The following APP variants were observed in gnomAD, a reference collection of about 807,000 sequenced individuals.
APP encodes the protein amyloid beta precursor protein.
Under a neutral mutation model 101.4 loss-of-function variants are expected in APP, and 31 were observed. That is an observed-to-expected ratio of 0.31 (90% CI 0.23 to 0.41). The LOEUF is 0.41. Ranked by LOEUF, APP falls within the 10% of genes least tolerant of loss-of-function variation. The pLI is 1.00. For synonymous variants in APP, 366 were observed against 364.4 expected (o/e 1.00, Z -0.05); for missense variants, 839 against 1,003.7 (o/e 0.84, Z 2.22).
intron 6 of APP, among the ~76,000 whole-genome samples, chr21:26,016,397 T>C (rs2044064690): frequency 6.6e-6 from 1 of 152,198 alleles, no homozygotes; most frequent in African/African-American, 2.4e-5. Flanking sequence ...GATGAATATA[T>C]GCCTATATCA....
chr21:26,063,961 T>G (rs1280136089), intron 3 of APP, among the ~76,000 whole-genome samples: 1 of 152,220 alleles, frequency 6.6e-6, no homozygotes, highest in Non-Finnish European at 1.5e-5. Context: ...ACCCTTGATA[T>G]GATGTGATGA....
intron 13 of APP, among the ~76,000 whole-genome samples, chr21:25,912,327 A>G (rs1405376588): frequency 4.6e-5 from 7 of 152,192 alleles, no homozygotes; most frequent in Admixed American, 4.6e-4. Flanking sequence ...ATGATCGCAC[A>G]GGAATAAACG....
rs1017019764 is a variant in APP, at chr21:25,982,289, G to A, written c.1224+55C>T. 7 of 1,593,190 alleles carry A rather than the reference G, an allele frequency of 4.4e-6. No individual in the cohort carries two copies. The Admixed American group carries it at 1.2e-4, about 27-fold the overall frequency. Reference sequence around the variant, plus strand: ...GGCCTGTGGGGAGACTGAGGCAGAGGCAAGCTCAGGTTTCCCAATATCGTA... The same window carrying A: ...GGCCTGTGGGGAGACTGAGGCAGAGACAAGCTCAGGTTTCCCAATATCGTA... On this transcript the variant is annotated intron_variant, in intron 9 of 17. Transcript: ENST00000346798.
chr21:25,897,806 T>TA, intron 15 of APP, 133 bp from the exon 16 acceptor site: 1 of 727,960 alleles, frequency 1.4e-6, no homozygotes, highest in South Asian at 1.5e-5. Context: ...AAATGACTCT[T>TA]AAAGAAAAAT....
chr21:26,137,220 G>A (rs1237264775), intron 1 of APP, among the ~76,000 whole-genome samples: 2 of 152,156 alleles, frequency 1.3e-5, no homozygotes, highest in African/African-American at 2.4e-5. Context: ...GAGCCACTGC[G>A]CCTGGCCCTC....
intron 11 of APP, among the ~76,000 whole-genome samples, chr21:25,958,543 C>T (rs545094473): frequency 8.8e-6 from 1 of 113,562 alleles, no homozygotes; most frequent in East Asian, 2.6e-4. Context: ...TCCCAAAGTG[C>T]TAGGATTACA....
At position 26,067,024 on chromosome 21, in the gene APP, G is replaced by C. The variant is rs558138921; in HGVS notation, c.356-13676C>G. 7.2e-5 allele frequency among the ~76,000 whole-genome samples: 11 copies of C among 152,210 alleles called. No individual in the cohort carries two copies. The East Asian group carries it at 1.9e-3, about 27-fold the overall frequency. ...TACCATTCTATGCAGGTCCATGTAG[G>C]ATACAAAAGAACCGAGATATAGTTC... is the stretch of plus-strand genomic sequence containing the variant. On this transcript the variant is annotated intron_variant, in intron 3 of 17. Coordinates refer to ENST00000346798, the MANE Select transcript of APP (RefSeq NM_000484.4).
At position 26,170,713 on chromosome 21, in the gene APP, G is replaced by T. The variant is rs1449799255; in HGVS notation, c.-93C>A. 1.1e-5 allele frequency: 15 copies of T among 1,325,654 alleles called. No homozygotes were observed. In the East Asian group the frequency reaches 3.9e-4, roughly 35 times the overall value. The allele number at this position is 1,325,654 out of a possible 1,614,324, so 82.1% of individuals were successfully genotyped here. A position where few individuals can be genotyped will look rare whatever the true frequency, so the allele number is the denominator to read the frequency against. On this transcript the variant is annotated 5_prime_UTR_variant, in exon 1 of 18. Coordinates refer to ENST00000346798, the MANE Select transcript of APP (RefSeq NM_000484.4). ...CGCGCCGCCACCGCCGCCGTCTCCC[G>T]GGGCCCCCGCGCACGCTCCTCCGCG... is the stretch of plus-strand genomic sequence containing the variant.
chr21:26,111,478 C>T (rs188212859), intron 2 of APP, among the ~76,000 whole-genome samples: 20 of 152,104 alleles, frequency 1.3e-4, no homozygotes, highest in Admixed American at 1.3e-3. Flanking sequence ...TGGCTCATAC[C>T]CGTAATCTCA....
At chr21:25,983,327 TAA>T (rs750549129) in intron 8 of APP, among the ~76,000 whole-genome samples, 27 of 152,194 alleles carry the variant, frequency 1.8e-4, no homozygotes, top group African/African-American at 6.5e-4. Flanking sequence ...ATATTTAACA[TAA>T]AAAACAAAAT....
At chr21:26,115,682 G>A (rs1263082232) in intron 1 of APP, among the ~76,000 whole-genome samples, 1 of 152,074 alleles carries the variant, frequency 6.6e-6, no homozygotes, top group Non-Finnish European at 1.5e-5. Context: ...TCCTATTCAG[G>A]ATCTGTTAAT....
chr21:26,049,394 G>C (rs2045742743), intron 5 of APP, among the ~76,000 whole-genome samples: 1 of 152,158 alleles, frequency 6.6e-6, no homozygotes, highest in Non-Finnish European at 1.5e-5. Context: ...ATTCACAATG[G>C]ATGACGGTGG....
Position 25,927,734 on chromosome 21 carries a change from C to T in APP, c.1688-15772G>A, listed in dbSNP as rs574797136. The stretch of plus-strand genomic sequence containing the variant: ...CTTCACATCATTTGTGAAAATATTC[C>T]TTATTGCTAGGGACATTTTCCTGAA... On this transcript the variant is annotated intron_variant, in intron 13 of 17. Transcript: ENST00000346798. 5.0e-4 allele frequency among the ~76,000 whole-genome samples: 76 copies of T among 152,284 alleles called. No homozygotes were observed. The Middle Eastern group carries it at 0.014, about 27-fold the overall frequency.
chr21:26,124,443 T>C (rs1336043473), intron 1 of APP, among the ~76,000 whole-genome samples: 2 of 152,246 alleles, frequency 1.3e-5, no homozygotes, highest in East Asian at 3.8e-4. Flanking sequence ...TTCCTAATTC[T>C]TTGATAACAC....
rs540140534 is a variant in APP, at chr21:26,046,303, G to A, written c.662+4697C>T. Among the ~76,000 whole-genome samples the A allele has an allele frequency of 9.8e-4, 149 of 151,846 alleles. 1 individual carries two copies. Among genetic ancestry groups the A allele is most frequent in the Middle Eastern group, 3.4e-3 (1 of 294 alleles). The stretch of plus-strand genomic sequence containing the variant: ...TGAACACCTGTAATCCCAATTACTC[G>A]GGAAGCTGAGTCAGGAGAATCGTTT... On this transcript the variant is annotated intron_variant, in intron 5 of 17. Transcript: ENST00000346798.
intron 1 of APP, among the ~76,000 whole-genome samples, chr21:26,142,693 C>T (rs2063073355): frequency 6.6e-6 from 1 of 151,946 alleles, no homozygotes; most frequent in African/African-American, 2.4e-5. Context: ...CGCTTGAGCC[C>T]AGGAAGCCGA....
chr21:26,059,890 C>CAA lies in APP; in HGVS notation c.356-6544_356-6543dup, dbSNP rs57594630. 4.2e-3 allele frequency among the ~76,000 whole-genome samples: 299 copies of CAA among 70,668 alleles called. 3 individuals carry two copies. Among genetic ancestry groups the CAA allele is most frequent in the Non-Finnish European group, 5.4e-3 (211 of 39,182 alleles). 46.4% of individuals were successfully genotyped at this position (70,668 alleles called of 152,430 possible). The stretch of plus-strand genomic sequence containing the variant: ...TGAGCGAAAGAGCGAGACTCCGTCT[C>CAA]AAAAAAAAAAAAAAAAAAAAAAAAA... On this transcript the variant is annotated intron_variant, in intron 3 of 17. Transcript: ENST00000346798.
intron 1 of APP, among the ~76,000 whole-genome samples, chr21:26,146,349 C>A (rs1398790814): frequency 6.6e-6 from 1 of 152,162 alleles, no homozygotes; most frequent in Admixed American, 6.5e-5. Context: ...GATGAAAATG[C>A]CAATCTGGCA....
intron 11 of APP, among the ~76,000 whole-genome samples, chr21:25,973,584 T>G (rs548159403): frequency 6.6e-6 from 1 of 152,156 alleles, no homozygotes; most frequent in East Asian, 1.9e-4. Flanking sequence ...TAGCACTGTT[T>G]AGAAAAATGG....
Sources: allele counts gnomAD v4.1 joint callset (sites outside exome capture counted in the v4.1 genomes callset), GRCh38; gene constraint gnomAD v4.1.1; transcripts MANE v1.5; gene names NCBI Gene and HGNC (gene_info 2026-07-23, HGNC 2026-07-21).